PTPRN2: variants seen among roughly 807,000 people sequenced by gnomAD.
PTPRN2 encodes the protein receptor-type tyrosine-protein phosphatase N2.
In PTPRN2, 74 loss-of-function variants were observed where a neutral mutation model predicts 118.8. That is an observed-to-expected ratio of 0.62 (90% CI 0.52 to 0.76). The LOEUF (loss-of-function observed/expected upper bound fraction) is 0.76, where lower values mean the gene tolerates loss of function less well. PTPRN2 is among the 30% of genes least tolerant of loss of function. The pLI is 0.00. For synonymous variants in PTPRN2, 641 were observed against 608.0 expected (o/e 1.05, Z -0.80); for missense variants, 1,481 against 1,394.4 (o/e 1.06, Z -0.99).
chr7:157,653,329 C>A lies in PTPRN2; in HGVS notation c.2196+3028G>T, dbSNP rs2530405. ...TCCTGCCATCCTCAGGTGAGGGGCACTGAGGTGGCCGGTTGGGTGTCTGGC... is the reference window on the plus strand; with the variant it reads ...TCCTGCCATCCTCAGGTGAGGGGCAATGAGGTGGCCGGTTGGGTGTCTGGC... On this transcript the variant is annotated intron_variant, in intron 14 of 22. Transcript: ENST00000389418. Among the ~76,000 whole-genome samples the A allele has an allele frequency of 2.6e-5, 4 of 152,102 alleles. No individual in the cohort carries two copies. The South Asian group carries it at 8.3e-4, about 32-fold the overall frequency.
chr7:158,225,833 C>T (rs1227830481), intron 3 of PTPRN2, among the ~76,000 whole-genome samples: 1 of 151,058 alleles, frequency 6.6e-6, no homozygotes, highest in Non-Finnish European at 1.5e-5. Flanking sequence ...TGGGAAGGGA[C>T]TTGGGGCTGT....
chr7:157,934,269 C>T (rs2128783470), intron 11 of PTPRN2, among the ~76,000 whole-genome samples: 1 of 152,306 alleles, frequency 6.6e-6, no homozygotes, highest in Non-Finnish European at 1.5e-5. Flanking sequence ...ATCGGCCGCT[C>T]ATTTTAGCAT....
intron 3 of PTPRN2, among the ~76,000 whole-genome samples, chr7:158,251,971 C>T (rs537158535): frequency 7.7e-4 from 117 of 152,294 alleles, no homozygotes; most frequent in African/African-American, 2.7e-3. Flanking sequence ...ACGAGAGCCA[C>T]CACATACCTG....
intron 2 of PTPRN2, among the ~76,000 whole-genome samples, chr7:158,392,446 C>T (rs1046779036): frequency 1.6e-4 from 25 of 152,202 alleles, no homozygotes; most frequent in Admixed American, 5.2e-4. Flanking sequence ...GCACACCCAG[C>T]GTTGTCTGGG....
At chr7:158,513,678 G>A (rs564817649) in intron 1 of PTPRN2, among the ~76,000 whole-genome samples, 23 of 152,278 alleles carry the variant, frequency 1.5e-4, no homozygotes, top group African/African-American at 4.1e-4. Flanking sequence ...AAATGCTATA[G>A]GTTAATACTT....
At position 158,478,105 on chromosome 7, in the gene PTPRN2, G is replaced by A. The variant is rs189038516; in HGVS notation, c.163+11630C>T. ...CCATGCTGCAGAGTCACCACGGAGC[G>A]TGGGACAGGCACGGCGGCAAAGAGA... is the stretch of plus-strand genomic sequence containing the variant. On this transcript the variant is annotated intron_variant, in intron 2 of 22. Coordinates refer to ENST00000389418, the MANE Select transcript of PTPRN2 (RefSeq NM_002847.5). Among the ~76,000 whole-genome samples the A allele has an allele frequency of 2.2e-3, 333 of 152,372 alleles. 1 individual carries two copies. Among genetic ancestry groups the A allele is most frequent in the Middle Eastern group, 3.4e-3 (1 of 294 alleles).
chr7:158,341,802 T>C (rs1806874186), intron 2 of PTPRN2, among the ~76,000 whole-genome samples: 1 of 126,614 alleles, frequency 7.9e-6, no homozygotes, highest in South Asian at 2.5e-4. Flanking sequence ...ACCCACACTC[T>C]CACCGTAAGA....
At chr7:157,686,488 A>C (rs1797200803) in intron 12 of PTPRN2, among the ~76,000 whole-genome samples, 2 of 152,150 alleles carry the variant, frequency 1.3e-5, no homozygotes, top group African/African-American at 4.8e-5. Flanking sequence ...TTTAAAAGTG[A>C]GTTTGAGGCA....
intron 7 of PTPRN2, 69 bp from the exon 8 acceptor site, chr7:158,136,764 A>T (rs1406066958): frequency 7.3e-6 from 11 of 1,503,092 alleles, no homozygotes; most frequent in Non-Finnish European, 9.3e-6. Flanking sequence ...CAGACATAAA[A>T]AGGGTGACCC....
intron 10 of PTPRN2, among the ~76,000 whole-genome samples, chr7:158,086,659 T>C (rs757518019): frequency 2.0e-5 from 3 of 152,220 alleles, no homozygotes; most frequent in African/African-American, 4.8e-5. Flanking sequence ...AGGAGCCTTG[T>C]TTTACAGTAT....
intron 6 of PTPRN2, among the ~76,000 whole-genome samples, chr7:158,149,058 C>G (rs1312400862): frequency 2.9e-5 from 4 of 135,906 alleles, no homozygotes; most frequent in Admixed American, 7.2e-5. Flanking sequence ...CACCCCATCT[C>G]ATGCCACGTG....
chr7:158,145,501 C>T (rs961122426), intron 6 of PTPRN2, among the ~76,000 whole-genome samples: 2 of 152,194 alleles, frequency 1.3e-5, no homozygotes, highest in African/African-American at 4.8e-5. Context: ...TGGCAGGCAT[C>T]CACCCTTGAG....
chr7:157,980,973 C>T (rs552186234), intron 11 of PTPRN2, among the ~76,000 whole-genome samples: 21 of 152,150 alleles, frequency 1.4e-4, no homozygotes, highest in South Asian at 4.2e-4. Context: ...GCCTCCCACA[C>T]GGGCTCTGGG....
intron 12 of PTPRN2, among the ~76,000 whole-genome samples, chr7:157,804,718 C>T (rs538932649): frequency 6.6e-6 from 1 of 152,314 alleles, no homozygotes; most frequent in African/African-American, 2.4e-5. Flanking sequence ...GTAGGTGATG[C>T]AGAGACCACC....
chr7:157,677,802 C>T (rs1288576254), intron 13 of PTPRN2, among the ~76,000 whole-genome samples: 1 of 152,212 alleles, frequency 6.6e-6, no homozygotes, highest in Non-Finnish European at 1.5e-5. Context: ...CATCAGAAAC[C>T]ATGGGATTTG....
At chr7:157,775,040 C>G (rs1622289) in intron 12 of PTPRN2, among the ~76,000 whole-genome samples, 22,774 of 152,198 alleles carry the variant, frequency 0.15, 1,926 homozygotes, top group East Asian at 0.22. Context: ...TAACTGCTGT[C>G]AGCAGAGTCT....
chr7:158,253,983 C>T lies in PTPRN2; in HGVS notation c.278-48710G>A, dbSNP rs1044612207. 1.5e-4 allele frequency among the ~76,000 whole-genome samples: 4 copies of T among 26,600 alleles called. 1 individual carries two copies. The highest frequency in any genetic ancestry group is 3.3e-4 in the African/African-American group (1 of 3,022). 17.5% of individuals were successfully genotyped at this position (26,600 alleles called of 152,430 possible). A position where few individuals can be genotyped will look rare whatever the true frequency, so the allele number is the denominator to read the frequency against. On this transcript the variant is annotated intron_variant, in intron 3 of 22. Transcript: ENST00000389418. ...CAGAGCCACTGCCCACGGCACGACC[C>T]GCCCTCCATCTCCACGTTCAGGAGC...
chr7:158,121,352 T>C (rs1194924327), intron 9 of PTPRN2, among the ~76,000 whole-genome samples: 2 of 152,228 alleles, frequency 1.3e-5, no homozygotes, highest in African/African-American at 4.8e-5. Flanking sequence ...TGTGCTTTGA[T>C]CAGCACCACT....
chr7:158,281,021 G>A (rs1799389781), intron 3 of PTPRN2, among the ~76,000 whole-genome samples: 1 of 152,236 alleles, frequency 6.6e-6, no homozygotes, highest in Admixed American at 6.5e-5. Flanking sequence ...TAAATCTTGA[G>A]GGCTGGGCGC....
Sources: gnomAD v4.1 joint callset for allele counts (sites outside exome capture counted in the v4.1 genomes callset) on GRCh38, gnomAD v4.1.1 for gene constraint, MANE v1.5 for transcripts, NCBI Gene and HGNC (gene_info 2026-07-23, HGNC 2026-07-21) for gene names.